The following COIL variants were observed in gnomAD, a reference collection of about 807,000 sequenced individuals.
The protein encoded by COIL is coilin, also known as coilin p80.
In COIL, 28 loss-of-function variants were observed where a neutral mutation model predicts 51.6. The ratio of observed to expected loss-of-function variants is 0.54; its 90% CI spans 0.40 to 0.74. The LOEUF (loss-of-function observed/expected upper bound fraction) is 0.74, where lower values mean the gene tolerates loss of function less well. COIL is among the 30% of genes least tolerant of loss of function. COIL has a pLI of 0.00. For missense variants in COIL, 667 were observed against 685.9 expected (o/e 0.97, Z 0.31); for synonymous variants, 233 against 255.8 (o/e 0.91, Z 0.85).
rs765525238 is a variant in COIL at position 56,939,075 on chromosome 17, G to T, written c.1727C>A (p.Ala576Asp). 7 of 1,555,922 alleles carry T rather than the reference G, an allele frequency of 4.5e-6. No individual in the cohort carries two copies. Among genetic ancestry groups the T allele is most frequent in the Non-Finnish European group, 1.8e-6 (2 of 1,127,752 alleles). Residue 576 changes from alanine to aspartate, a missense_variant, in exon 7 of 7, where the codon GCC becomes GAC. Transcript: ENST00000240316. ...TATAAGGTGGAGAGGTCATACTCAG[G>T]CAGGTTCTGTACTTGATGTGTTACT... Reference protein sequence around the residue: ...SPSNTSSTEPA With the variant: ...SPSNTSSTEPD
At position 56,946,423 on chromosome 17, in the gene COIL, T is replaced by C. The variant is rs1486597870; in HGVS notation, c.1558+19A>G. The C allele has an allele frequency of 1.3e-5, 20 of 1,541,474 alleles. No homozygotes were observed. Among genetic ancestry groups the C allele is most frequent in the Non-Finnish European group, 1.7e-5 (19 of 1,117,208 alleles). ...GTAGATAGAGCCTACATTTTCAAAT[T>C]ATTTTCTAAAAGACTCACCAGGTAA... is the stretch of plus-strand genomic sequence containing the variant. On this transcript the variant is annotated intron_variant, in intron 5 of 6. Coordinates refer to ENST00000240316, the MANE Select transcript of COIL (RefSeq NM_004645.3).
intron 1 of COIL, among the ~76,000 whole-genome samples, chr17:56,953,951 A>G (rs1190781167): frequency 6.6e-6 from 1 of 152,202 alleles, no homozygotes; most frequent in Non-Finnish European, 1.5e-5. Context: ...GGCAAAAGCC[A>G]GTTTGGCATC....
chr17:56,947,079 T>C (rs1231162429), intron 4 of COIL, among the ~76,000 whole-genome samples: 1 of 152,150 alleles, frequency 6.6e-6, no homozygotes, highest in African/African-American at 2.4e-5. Flanking sequence ...ATCAAGAGGA[T>C]GCACTGCCCA....
rs2144399478 is a variant in COIL at position 56,950,886 on chromosome 17, C to A, written c.356G>T (p.Gly119Val). ...TTTGCAATCTGGTTCAGTTTCTTCA[C>A]CCTCCTCTAACTGAAATGCCCGCTT... is the stretch of plus-strand genomic sequence containing the variant. The part of the protein sequence containing the change: ...AKKRAFQLEE[G>V]EETEPDCKYS... The change falls in exon 2 of 7, where the codon GGT becomes GTT. Residue 119 changes from glycine to valine, a missense_variant. Transcript: ENST00000240316. The A allele has an allele frequency of 1.2e-6, 2 of 1,613,880 alleles. No individual in the cohort carries two copies. The highest frequency in any genetic ancestry group is 1.7e-4 in the Middle Eastern group (1 of 5,970).
chr17:56,945,751 T>C (rs1353131464), intron 5 of COIL, among the ~76,000 whole-genome samples: 1 of 152,240 alleles, frequency 6.6e-6, no homozygotes, highest in Non-Finnish European at 1.5e-5. Flanking sequence ...AGTCTTGCTC[T>C]GTCACTCAGT....
chr17:56,948,391 G>A (rs1472002540), intron 4 of COIL, among the ~76,000 whole-genome samples: 1 of 151,640 alleles, frequency 6.6e-6, no homozygotes, highest in South Asian at 2.1e-4. Context: ...CACCCACCTT[G>A]GCCTCCCAAA....
chr17:56,952,415 C>T (rs1910391216), intron 1 of COIL: 3 of 378,020 alleles, frequency 7.9e-6, no homozygotes, highest in Non-Finnish European at 1.0e-5. Flanking sequence ...CGATGTAATA[C>T]GTATTTACAA....
In COIL at chr17:56,958,799, A is replaced by C. The variant is rs565595630; in HGVS notation, c.245+1976T>G. Among the ~76,000 whole-genome samples, 83 of 151,740 alleles carry C rather than the reference A, an allele frequency of 5.5e-4. 2 individuals carry two copies. Among genetic ancestry groups the C allele is most frequent in the African/African-American group, 1.9e-3 (78 of 41,462 alleles). The stretch of plus-strand genomic sequence containing the variant: ...TATTTCACAGTCAATAAAAAGGGGG[A>C]AAAAAAACTCTTTGAAATTTGGATT... On this transcript the variant is annotated intron_variant, in intron 1 of 6. Transcript: ENST00000240316.
chr17:56,946,389 TA>T (rs1555608510), intron 5 of COIL, 52 bp downstream of exon 5: 1 of 1,256,704 alleles, frequency 8.0e-7, no homozygotes, highest in Non-Finnish European at 1.1e-6. Flanking sequence ...AAGCTATTTA[TA>T]AACCACTGTA....
At chr17:56,956,429 T>C (rs1350065200) in intron 1 of COIL, among the ~76,000 whole-genome samples, 4 of 151,204 alleles carry the variant, frequency 2.6e-5, no homozygotes, top group Non-Finnish European at 5.9e-5. Context: ...TTTTTTGGGG[T>C]TTTTTTGGTA....
At chr17:56,956,579 G>GT (rs1420043192) in intron 1 of COIL, among the ~76,000 whole-genome samples, 3 of 151,656 alleles carry the variant, frequency 2.0e-5, no homozygotes, top group Non-Finnish European at 4.4e-5. Flanking sequence ...TAATCAATGT[G>GT]TTTTTTTGTT....
intron 1 of COIL, among the ~76,000 whole-genome samples, chr17:56,955,104 G>A (rs750294603): frequency 8.6e-5 from 13 of 152,038 alleles, no homozygotes; most frequent in African/African-American, 3.1e-4. Context: ...TTGCTCTGTC[G>A]CCCAGGCTGG....
chr17:56,954,953 A>C (rs1420400845), intron 1 of COIL, among the ~76,000 whole-genome samples: 1 of 152,230 alleles, frequency 6.6e-6, no homozygotes, highest in African/African-American at 2.4e-5. Context: ...GATCACAGAC[A>C]AAGAATAGAG....
At chr17:56,957,635 A>T (rs117309351) in intron 1 of COIL, among the ~76,000 whole-genome samples, 9,232 of 152,076 alleles carry the variant, frequency 0.061, 336 homozygotes, top group East Asian at 0.15. Context: ...AAAAATAAAT[A>T]AATTAATTAA....
intron 5 of COIL, among the ~76,000 whole-genome samples, chr17:56,944,845 G>A (rs1433782049): frequency 1.3e-5 from 2 of 150,342 alleles, no homozygotes; most frequent in African/African-American, 2.4e-5. Context: ...GTAAAACCCC[G>A]TCTCTACTAA....
intron 1 of COIL, among the ~76,000 whole-genome samples, chr17:56,953,062 G>C (rs1356593547): frequency 6.6e-6 from 1 of 152,076 alleles, no homozygotes. Flanking sequence ...AGGGTGGCTT[G>C]AGCCCAGGAG....
At chr17:56,958,582 G>T (rs1158188497) in intron 1 of COIL, among the ~76,000 whole-genome samples, 2 of 152,142 alleles carry the variant, frequency 1.3e-5, no homozygotes, top group Non-Finnish European at 2.9e-5. Context: ...TTCATGGTTT[G>T]TTTTTGTCAT....
Position 56,953,359 on chromosome 17 carries a change from C to T in COIL, c.246-2363G>A, listed in dbSNP as rs1410077456. Among the ~76,000 whole-genome samples the T allele has an allele frequency of 1.1e-4, 15 of 141,514 alleles. No individual in the cohort carries two copies. The South Asian group carries it at 2.5e-3, about 24-fold the overall frequency. 92.8% of individuals were successfully genotyped at this position (141,514 alleles called of 152,430 possible). On this transcript the variant is annotated intron_variant, in intron 1 of 6. Coordinates refer to ENST00000240316, the MANE Select transcript of COIL (RefSeq NM_004645.3). The stretch of plus-strand genomic sequence containing the variant: ...CTGGGAGGTGGAGCTTGCAGTGAGC[C>T]GAGGTCACACCACTGTACTCCAGCC...
At chr17:56,949,268 A>T in intron 4 of COIL, 119 bp downstream of exon 4, 2 of 723,618 alleles carry the variant, frequency 2.8e-6, no homozygotes, top group East Asian at 3.0e-5. Flanking sequence ...TTCATTTTCT[A>T]CTTTCTGGCA....
Sources: gnomAD v4.1 joint callset for allele counts (sites outside exome capture counted in the v4.1 genomes callset) on GRCh38, gnomAD v4.1.1 for gene constraint, MANE v1.5 for transcripts, NCBI Gene and HGNC (gene_info 2026-07-23, HGNC 2026-07-21) for gene names.